SWT1: variants seen among roughly 807,000 people sequenced by gnomAD.
The protein encoded by SWT1 is transcriptional protein SWT1.
In SWT1, 33 loss-of-function variants were observed where a neutral mutation model predicts 107.3. The ratio of observed to expected loss-of-function variants is 0.31; its 90% CI spans 0.23 to 0.41. The LOEUF (loss-of-function observed/expected upper bound fraction) is 0.41. Among genes scored for constraint, SWT1 ranks in the 10% least tolerant of loss-of-function variants. SWT1 has a pLI of 1.00. For missense variants in SWT1, 898 were observed against 1,028.9 expected (o/e 0.87, Z 1.74); for synonymous variants, 345 against 348.3 (o/e 0.99, Z 0.11).
chr1:185,222,156 A>G, intron 15 of SWT1, 120 bp downstream of exon 15: 1 of 596,498 alleles, frequency 1.7e-6, no homozygotes, highest in South Asian at 5.5e-5. Context: ...TGTGATATAT[A>G]ATCAAATCAG....
At chr1:185,271,546 CTTTT>C (rs1663868973) in intron 17 of SWT1, among the ~76,000 whole-genome samples, 157 bp downstream of exon 17, 1 of 150,320 alleles carries the variant, frequency 6.7e-6, no homozygotes, top group Admixed American at 6.6e-5. Context: ...GTGACATATT[CTTTT>C]TTTCTCACTT....
chr1:185,198,729 C>G (rs947139890), intron 10 of SWT1, among the ~76,000 whole-genome samples: 2 of 151,126 alleles, frequency 1.3e-5, no homozygotes, highest in African/African-American at 4.9e-5. Flanking sequence ...TCTGTTTTAT[C>G]AGAGACTAGG....
At chr1:185,241,497 C>A (rs1661252772) in intron 16 of SWT1, among the ~76,000 whole-genome samples, 1 of 152,120 alleles carries the variant, frequency 6.6e-6, no homozygotes, top group Non-Finnish European at 1.5e-5. Flanking sequence ...AAAAATAATA[C>A]AATTTATTGT....
At chr1:185,212,939 T>C (rs1042609122) in intron 13 of SWT1, among the ~76,000 whole-genome samples, 1 of 152,216 alleles carries the variant, frequency 6.6e-6, no homozygotes, top group Non-Finnish European at 1.5e-5. Flanking sequence ...ATACCACGCA[T>C]GTATCCTTAG....
intron 10 of SWT1, among the ~76,000 whole-genome samples, chr1:185,195,181 G>A (rs1045314148): frequency 2.0e-5 from 3 of 151,996 alleles, no homozygotes; most frequent in African/African-American, 7.2e-5. Context: ...CCGGTATGTG[G>A]TGTTCCCCTC....
At chr1:185,189,890 C>T (rs1656803756) in intron 9 of SWT1, among the ~76,000 whole-genome samples, 1 of 150,480 alleles carries the variant, frequency 6.6e-6, no homozygotes, top group Non-Finnish European at 1.5e-5. Flanking sequence ...ACTCTGTTGC[C>T]CAGCCTGGAG....
intron 15 of SWT1, 87 bp downstream of exon 15, chr1:185,222,123 A>G: frequency 1.1e-6 from 1 of 905,580 alleles, no homozygotes; most frequent in South Asian, 3.1e-5. Flanking sequence ...TTTGATGTGC[A>G]ATTTGACGTT....
chr1:185,265,238 A>G (rs2102707273), intron 16 of SWT1, among the ~76,000 whole-genome samples: 1 of 152,288 alleles, frequency 6.6e-6, no homozygotes, highest in Admixed American at 6.5e-5. Context: ...AATTTTAGCA[A>G]TTAATTTTGC....
At chr1:185,181,098 T>C (rs1029117990) in intron 6 of SWT1, among the ~76,000 whole-genome samples, 1 of 152,168 alleles carries the variant, frequency 6.6e-6, no homozygotes, top group Non-Finnish European at 1.5e-5. Flanking sequence ...TGAAACCCTT[T>C]CTCTACTAAA....
intron 18 of SWT1, among the ~76,000 whole-genome samples, chr1:185,279,640 T>C (rs1200188685): frequency 6.6e-6 from 1 of 151,766 alleles, no homozygotes. Context: ...GAGTACACAG[T>C]ATCTTCCATA....
chr1:185,219,427 A>G (rs1226152974), intron 14 of SWT1, among the ~76,000 whole-genome samples: 1 of 152,208 alleles, frequency 6.6e-6, no homozygotes, highest in Non-Finnish European at 1.5e-5. Context: ...CAAATGCTCA[A>G]TAAATATTAA....
intron 2 of SWT1, among the ~76,000 whole-genome samples, chr1:185,165,285 A>C (rs898212661): frequency 6.6e-6 from 1 of 152,200 alleles, no homozygotes; most frequent in African/African-American, 2.4e-5. Flanking sequence ...AAAACATTTG[A>C]AATACTGTGA....
At chr1:185,162,214 C>G (rs755530864) in intron 2 of SWT1, among the ~76,000 whole-genome samples, 1 of 152,198 alleles carries the variant, frequency 6.6e-6, no homozygotes, top group Non-Finnish European at 1.5e-5. Flanking sequence ...CTTAAAACTA[C>G]TAAACTAAAA....
intron 18 of SWT1, among the ~76,000 whole-genome samples, chr1:185,282,288 G>T (rs1381430296): frequency 6.6e-6 from 1 of 151,906 alleles, no homozygotes; most frequent in African/African-American, 2.4e-5. Flanking sequence ...ACCACATTTT[G>T]GATCTACGTG....
At chr1:185,283,722 G>A (rs1427362901) in intron 18 of SWT1, among the ~76,000 whole-genome samples, 1 of 152,150 alleles carries the variant, frequency 6.6e-6, no homozygotes, top group Non-Finnish European at 1.5e-5. Flanking sequence ...CATCTCCGAT[G>A]TATACATGTG....
chr1:185,257,143 T>G lies in SWT1; in HGVS notation c.2442-14180T>G, dbSNP rs552198474. Among the ~76,000 whole-genome samples the G allele has an allele frequency of 4.3e-3, 653 of 152,090 alleles. 2 individuals carry two copies. The highest frequency in any genetic ancestry group is 0.011 in the African/African-American group (448 of 41,450). On this transcript the variant is annotated intron_variant, in intron 16 of 18. Transcript: ENST00000367500. ...TGAGGAGGCAGTCTGCCCGTTCTCA[T>G]ATCTCCAGCTGTGTGCTGGGAGAAC...
chr1:185,159,248 C>T (rs983086305), intron 1 of SWT1, among the ~76,000 whole-genome samples: 7 of 152,242 alleles, frequency 4.6e-5, no homozygotes, highest in Non-Finnish European at 8.8e-5. Context: ...CAGGAATCAT[C>T]AGGAGCCATC....
intron 16 of SWT1, among the ~76,000 whole-genome samples, chr1:185,243,161 T>G (rs1661364637): frequency 6.6e-6 from 1 of 152,144 alleles, no homozygotes; most frequent in African/African-American, 2.4e-5. Flanking sequence ...CAGGCTGGAG[T>G]GCAGTGCTGT....
Position 185,181,984 on chromosome 1 carries a change from A to G in SWT1, c.1065A>G (p.Gly355=), listed in dbSNP as rs778660793. The change falls in exon 7 of 19, where the codon GGA becomes GGG. Residue 355 remains glycine, a synonymous_variant. Transcript: ENST00000367500. The part of the protein sequence containing the change: ...IVEELHAARV[G]KSVDLPGELM... Reference sequence around the variant, plus strand: ...AAGAGCTTCATGCTGCACGTGTGGGAAAAAGTGTGGATTTACCTGGAGAGT... The same window carrying G: ...AAGAGCTTCATGCTGCACGTGTGGGGAAAAGTGTGGATTTACCTGGAGAGT... The G allele has an allele frequency of 6.2e-7, 1 of 1,613,842 alleles. No homozygotes were observed. The highest frequency in any genetic ancestry group is 1.7e-5 in the Admixed American group (1 of 60,010).
Sources: allele counts gnomAD v4.1 joint callset (sites outside exome capture counted in the v4.1 genomes callset), GRCh38; gene constraint gnomAD v4.1.1; transcripts MANE v1.5; gene names NCBI Gene and HGNC (gene_info 2026-07-23, HGNC 2026-07-21).